Variants in FHIP1B observed in about 807,000 individuals in gnomAD.
FHIP1B encodes FHF complex subunit HOOK-interacting protein 1B.
In FHIP1B, 28 loss-of-function variants were observed where a neutral mutation model predicts 82.2. The observed-to-expected ratio is 0.34, with a 90% CI of 0.25 to 0.47. The LOEUF is 0.47. Among genes scored for constraint, FHIP1B ranks in the 20% least tolerant of loss-of-function variants. The probability of loss-of-function intolerance (pLI) is 1.00; values close to 1 mark genes in which losing one functional copy is unlikely to be tolerated. For missense variants in FHIP1B, 1,110 were observed against 1,262.6 expected, an observed-to-expected ratio of 0.88 and a Z score of 1.83; for synonymous variants, 585 against 516.1, an observed-to-expected ratio of 1.13 and a Z score of -1.81.
At position 6,218,682 on chromosome 11, in the gene FHIP1B, G is replaced by C. The variant is rs772531889; in HGVS notation, c.1353C>G (p.Asp451Glu). ...RDVDLYGRAA[D>E]KFLSLIPRCC... ...AGCGTGGGATTAGGGAGAGAAACTT[G>C]TCAGCTGCTCGTCCATATAGGTCCA... The change falls in exon 8 of 12, where the codon GAC (aspartate) becomes GAG (glutamate). Residue 451 changes from aspartate to glutamate, a missense_variant. Asp to Glu is a conservative substitution (Grantham distance 45, BLOSUM62 2). This residue lies in a region of FHIP1B where 467 missense variants were observed against 602.9 expected (regional missense o/e 0.77). Transcript: ENST00000449352. 1.2e-6 allele frequency: 2 copies of C among 1,614,156 alleles called. No individual in the cohort carries two copies. The highest frequency in any genetic ancestry group is 8.5e-7 in the Non-Finnish European group (1 of 1,180,030).
intron 11 of FHIP1B, 141 bp from the exon 12 acceptor site, chr11:6,212,008 C>A: frequency 7.2e-7 from 1 of 1,395,134 alleles, no homozygotes; most frequent in Non-Finnish European, 9.3e-7. Flanking sequence ...CAAAATGGAC[C>A]AGAAATGAAC....
chr11:6,217,264 G>C (rs769229915), intron 9 of FHIP1B, 107 bp downstream of exon 9: 9 of 980,484 alleles, frequency 9.2e-6, no homozygotes, highest in Non-Finnish European at 1.4e-5. Context: ...GAGGGGCTAG[G>C]CAAGTACACA....
Position 6,214,530 on chromosome 11 carries a change from G to A in FHIP1B, c.2438C>T (p.Ser813Phe). 1.2e-6 allele frequency: 2 copies of A among 1,614,014 alleles called. No individual in the cohort carries two copies. The highest frequency in any genetic ancestry group is 2.2e-5 in the East Asian group (1 of 44,886). Residue 813 changes from serine to phenylalanine, a missense_variant, in exon 11 of 12, where the codon TCC (serine) becomes TTC (phenylalanine). By Grantham distance (155) the Ser-to-Phe change is radical. This residue lies in a region of FHIP1B where 147 missense variants were observed against 154.0 expected (regional missense o/e 0.95). Transcript: ENST00000449352. ...CAGCAGTGCTGGGAAGTCCTCCTGG[G>A]AAGCCGCAAAGTTCTCAATCTTATT... ...VKNKIENFAA[S>F]QEDFPALLSK...
At position 6,217,616 on chromosome 11, in the gene FHIP1B, G is replaced by A. The variant is rs751259355; in HGVS notation, c.1970C>T (p.Ala657Val). The A allele has an allele frequency of 8.1e-6, 13 of 1,613,876 alleles. No individual in the cohort carries two copies. The highest frequency in any genetic ancestry group is 2.7e-5 in the African/African-American group (2 of 75,016). The change falls in exon 9 of 12, where the codon GCT becomes GTT. Residue 657 changes from alanine to valine, a missense_variant. Ala to Val is a moderately conservative substitution (Grantham distance 64, BLOSUM62 0). This residue lies in a region of FHIP1B where 418 missense variants were observed against 371.4 expected (regional missense o/e 1.13). Transcript: ENST00000449352. ...GGAGATGCCCTCTAGCAGTTCCCCA[G>A]CTCCCTCCTTTGGCACCAGACGAAC... ...KKVRLVPKEG[A>V]GELLEGISEG...
Position 6,223,610 on chromosome 11 carries a change from C to T in FHIP1B, c.777G>A (p.Pro259=). The T allele has an allele frequency of 3.2e-6, 5 of 1,576,500 alleles. No individual in the cohort carries two copies. Among genetic ancestry groups the T allele is most frequent in the Admixed American group, 1.8e-5 (1 of 56,530 alleles). The change falls in exon 3 of 12, where the codon CCG becomes CCA. Residue 259 remains proline, a splice_region_variant and synonymous_variant. Coordinates refer to ENST00000449352, the MANE Select transcript of FHIP1B (RefSeq NM_001098794.2). The surrounding 1 kb of genome is among the most constrained non-coding windows in gnomAD (Gnocchi z 4.8). ...ACCCTCCAAGCCAGGGGGTGCTAAC[C>T]GGGCAGAAGTAAGAGTGATCCGCGA... The part of the protein sequence containing the change: ...RYIADHSYFC[P]VLATGLSALY...
intron 8 of FHIP1B, 136 bp from the exon 9 acceptor site, chr11:6,218,286 C>T: frequency 1.6e-6 from 2 of 1,276,084 alleles, no homozygotes; most frequent in Non-Finnish European, 2.1e-6. Flanking sequence ...AACTCTCCAA[C>T]CTCCTAATTA....
intron 9 of FHIP1B, among the ~76,000 whole-genome samples, chr11:6,216,293 C>T (rs1847223940): frequency 6.6e-6 from 1 of 152,238 alleles, no homozygotes; most frequent in South Asian, 2.1e-4. Flanking sequence ...AGGACATGAA[C>T]TTATCAAGGC....
At chr11:6,216,226 A>T (rs1487391423) in intron 9 of FHIP1B, among the ~76,000 whole-genome samples, 2 of 152,266 alleles carry the variant, frequency 1.3e-5, no homozygotes, top group African/African-American at 2.4e-5. Flanking sequence ...GCACAACTCC[A>T]TGGCAGAAGC....
chr11:6,224,508 C>A lies in FHIP1B; in HGVS notation c.9G>T (p.Arg3Ser). The A allele has an allele frequency of 6.2e-7, 1 of 1,612,212 alleles. No homozygotes were observed. Among genetic ancestry groups the A allele is most frequent in the Non-Finnish European group, 8.5e-7 (1 of 1,179,040 alleles). ...AGGCCAGTCTGCTCAGCCAATTCAT[C>A]CTCTCCATGAGGCAGGCTGGGCAGG... Reference protein sequence around the residue: MERMNWLSRLASR... With the variant: MESMNWLSRLASR... The change falls in exon 2 of 12, where the codon AGG becomes AGT. Residue 3 changes from arginine (R) to serine (S), a missense_variant. This residue lies in a region of FHIP1B where 467 missense variants were observed against 602.9 expected (regional missense o/e 0.77). Transcript: ENST00000449352.
chr11:6,234,256 T>C (rs545519009), intron 1 of FHIP1B, among the ~76,000 whole-genome samples: 9 of 152,170 alleles, frequency 5.9e-5, no homozygotes, highest in Non-Finnish European at 1.0e-4. Flanking sequence ...CCCCTCACTC[T>C]AGTCCCAGGG....
intron 1 of FHIP1B, among the ~76,000 whole-genome samples, chr11:6,233,627 G>A (rs777269031): frequency 6.6e-6 from 1 of 152,220 alleles, no homozygotes; most frequent in Non-Finnish European, 1.5e-5. Context: ...TAAGAAAGGA[G>A]AGTAAGGCCA....
Position 6,217,412 on chromosome 11 carries a change from G to C in FHIP1B, c.2174C>G (p.Pro725Arg), listed in dbSNP as rs751891419. ...PEPPGPFLSS[P>R]LRTLNQLPSQ... ...TGGCAGCTGGTTGAGAGTCCGCAAA[G>C]GGCTGCTGAGGAAGGGGCCAGGGGG... Residue 725 changes from proline (P) to arginine (R), a missense_variant, in exon 9 of 12, where the codon CCT (proline) becomes CGT (arginine). This residue lies in a region of FHIP1B where 418 missense variants were observed against 371.4 expected (regional missense o/e 1.13). Transcript: ENST00000449352. 1.9e-6 allele frequency: 3 copies of C among 1,614,136 alleles called. No individual in the cohort carries two copies. Among genetic ancestry groups the C allele is most frequent in the Admixed American group, 1.7e-5 (1 of 60,012 alleles).
Position 6,216,685 on chromosome 11 carries a change from CA to C in FHIP1B, c.2215+685del. 1.9e-5 allele frequency: 4 copies of C among 205,586 alleles called. No homozygotes were observed. In the South Asian group the frequency reaches 3.8e-4, roughly 20 times the overall value. 12.7% of individuals were successfully genotyped at this position (205,586 alleles called of 1,614,324 possible). The stretch of plus-strand genomic sequence containing the variant: ...TAGCTCCAGGGCATCCTTGAGAGTC[CA>C]AATGAACTCAGTCAGGGAGCTCAGG... On this transcript the variant is annotated intron_variant, in intron 9 of 11. Transcript: ENST00000449352.
rs1273449876 is a variant in FHIP1B at position 6,223,722 on chromosome 11, C to A, written c.665G>T (p.Arg222Leu). The A allele has an allele frequency of 6.2e-7, 1 of 1,614,176 alleles. No individual in the cohort carries two copies. The highest frequency in any genetic ancestry group is 2.2e-5 in the East Asian group (1 of 44,870). Reference protein sequence around the residue: ...LFSRLVPFVHREGTLGQQARD... With the variant: ...LFSRLVPFVHLEGTLGQQARD... Reference sequence around the variant, plus strand: ...GGCCTGCTGGCCCAGGGTGCCCTCTCGATGCACAAAAGGGACAAGGCGAGA... The same window carrying A: ...GGCCTGCTGGCCCAGGGTGCCCTCTAGATGCACAAAAGGGACAAGGCGAGA... Residue 222 changes from arginine to leucine, a missense_variant, in exon 3 of 12, where the codon CGA (arginine) becomes CTA (leucine). Physicochemically the swap from Arg to Leu is moderately radical, Grantham distance 102. This residue lies in a region of FHIP1B where 467 missense variants were observed against 602.9 expected (regional missense o/e 0.77). Coordinates refer to ENST00000449352, the MANE Select transcript of FHIP1B (RefSeq NM_001098794.2). This position sits in a 1 kb window ranked among gnomAD's most constrained non-coding sequence, Gnocchi z 4.8.
At position 6,223,840 on chromosome 11, in the gene FHIP1B, G is replaced by A. The variant is rs765493763; in HGVS notation, c.547C>T (p.Leu183=). ...DEGLVLLLSQ[L]CVCVAQEPSL... ...GGCTCCTGGGCCACACAAACACACA[G>A]CTGGCTGAGAAGTAGCACCAAGCCT... The change falls in exon 3 of 12, where the codon CTG becomes TTG. Residue 183 remains leucine (L), a synonymous_variant. Coordinates refer to ENST00000449352, the MANE Select transcript of FHIP1B (RefSeq NM_001098794.2). The surrounding 1 kb of genome is among the most constrained non-coding windows in gnomAD (Gnocchi z 4.8). The A allele has an allele frequency of 6.2e-7, 1 of 1,614,202 alleles. No homozygotes were observed. The highest frequency in any genetic ancestry group is 1.1e-5 in the South Asian group (1 of 91,090).
intron 8 of FHIP1B, 65 bp from the exon 9 acceptor site, chr11:6,218,215 C>G: frequency 6.6e-7 from 1 of 1,512,952 alleles, no homozygotes; most frequent in Non-Finnish European, 8.8e-7. Context: ...GATAAGACAC[C>G]TCGGGAGACT....
chr11:6,229,854 A>G (rs1847652876), intron 1 of FHIP1B, among the ~76,000 whole-genome samples: 1 of 152,128 alleles, frequency 6.6e-6, no homozygotes, highest in African/African-American at 2.4e-5. Context: ...AAAAGCATAA[A>G]AGAAAGCTAT....
In FHIP1B at chr11:6,217,574, A is replaced by C; in HGVS notation, c.2012T>G (p.Leu671Arg). 1 of 1,612,116 alleles carries C rather than the reference A, an allele frequency of 6.2e-7. No individual in the cohort carries two copies. Among genetic ancestry groups the C allele is most frequent in the African/African-American group, 1.3e-5 (1 of 74,986 alleles). Residue 671 changes from leucine to arginine, a missense_variant, in exon 9 of 12, where the codon CTA becomes CGA. Transcript: ENST00000449352. ...CCGGAGCTCCTGCCCAAAGCCCTCT[A>C]GTCCTGCCATGCCCTCGGAGATGCC... is the stretch of plus-strand genomic sequence containing the variant. ...LEGISEGMAG[L>R]EGFGQELREL... is the part of the protein sequence containing the mutation.
chr11:6,226,230 C>A (rs1847561141), intron 1 of FHIP1B, among the ~76,000 whole-genome samples: 1 of 152,170 alleles, frequency 6.6e-6, no homozygotes, highest in South Asian at 2.1e-4. Context: ...AAGGTAGCCA[C>A]TATGTTTAAG....
Sources: gnomAD v4.1 joint callset for allele counts (sites outside exome capture counted in the v4.1 genomes callset) on GRCh38, gnomAD v4.1.1 for gene constraint, gnomAD v4.1.1 regional missense constraint, Gnocchi (gnomAD v3.1) non-coding constraint, MANE v1.5 for transcripts, NCBI Gene and HGNC (gene_info 2026-07-23, HGNC 2026-07-21) for gene names.